Variants in FHIP1A observed in about 807,000 individuals in gnomAD.
FHIP1A encodes FHF complex subunit HOOK interacting protein 1A, also known as FHF complex subunit HOOK-interacting protein 1A.
Under a neutral mutation model 88.6 loss-of-function variants are expected in FHIP1A, and 61 were observed. The ratio of observed to expected loss-of-function variants is 0.69; its 90% CI spans 0.56 to 0.85. FHIP1A has a LOEUF of 0.85. FHIP1A is among the 40% of genes least tolerant of loss of function. The pLI is 0.00. For synonymous variants in FHIP1A, 478 were observed against 496.0 expected, an observed-to-expected ratio of 0.96 and a Z score of 0.48; for missense variants, 1,154 against 1,273.5, an observed-to-expected ratio of 0.91 and a Z score of 1.43.
chr4:151,606,594 C>T (rs1490681987), intron 7 of FHIP1A, among the ~76,000 whole-genome samples: 1 of 152,220 alleles, frequency 6.6e-6, no homozygotes, highest in Non-Finnish European at 1.5e-5. Flanking sequence ...TTGATATCTG[C>T]ATTTCATATT....
chr4:151,526,722 C>T (rs1258562012), intron 3 of FHIP1A, among the ~76,000 whole-genome samples: 1 of 151,748 alleles, frequency 6.6e-6, no homozygotes, highest in Non-Finnish European at 1.5e-5. Flanking sequence ...TCCTCACTTC[C>T]CAGACGGGGC....
intron 4 of FHIP1A, among the ~76,000 whole-genome samples, chr4:151,570,032 G>A (rs944303549): frequency 1.3e-5 from 2 of 152,176 alleles, no homozygotes; most frequent in Non-Finnish European, 2.9e-5. Flanking sequence ...GCTATAAGTT[G>A]CCAGAGCAAT....
intron 9 of FHIP1A, 70 bp downstream of exon 9, chr4:151,638,826 A>G: frequency 1.2e-6 from 1 of 835,146 alleles, no homozygotes; most frequent in Admixed American, 2.9e-5. Flanking sequence ...ATATTCATAT[A>G]CTTTGTTATT....
chr4:151,454,172 A>AAATATGGGT lies in FHIP1A; in HGVS notation c.-355-528_-355-520dup, dbSNP rs200921703. 1.0e-3 allele frequency among the ~76,000 whole-genome samples: 152 copies of AAATATGGGT among 146,882 alleles called. 1 individual carries two copies. The East Asian group carries it at 0.026, about 25-fold the overall frequency. The stretch of plus-strand genomic sequence containing the variant: ...TTGATTTTATTATGGAAAAGTGTTA[A>AAATATGGGT]AATATGGGTTTTTAATTATCACTGG... On this transcript the variant is annotated intron_variant, in intron 1 of 13. Coordinates refer to ENST00000435205, the MANE Select transcript of FHIP1A (RefSeq NM_001109977.3).
intron 7 of FHIP1A, among the ~76,000 whole-genome samples, chr4:151,598,591 T>A (rs1201261749): frequency 3.3e-5 from 5 of 152,342 alleles, no homozygotes; most frequent in African/African-American, 1.2e-4. Context: ...GCATAACATT[T>A]TAGTTACCTG....
chr4:151,638,402 G>T (rs1413584384), intron 8 of FHIP1A, among the ~76,000 whole-genome samples: 2 of 148,658 alleles, frequency 1.3e-5, no homozygotes, highest in Admixed American at 1.4e-4. Context: ...TATCTGTCTG[G>T]ATCTTTAAAA....
At chr4:151,525,700 G>A (rs1464299338) in intron 3 of FHIP1A, among the ~76,000 whole-genome samples, 2 of 148,510 alleles carry the variant, frequency 1.3e-5, no homozygotes, top group Non-Finnish European at 3.0e-5. Flanking sequence ...ATTTAGATCT[G>A]TAGTGTTTTC....
At chr4:151,518,938 T>G (rs890243972) in intron 3 of FHIP1A, among the ~76,000 whole-genome samples, 7 of 152,066 alleles carry the variant, frequency 4.6e-5, no homozygotes, top group African/African-American at 1.7e-4. Flanking sequence ...TCTCCCACTT[T>G]ATCCTCCCAA....
chr4:151,654,261 C>T (rs1737146488), intron 11 of FHIP1A, among the ~76,000 whole-genome samples: 1 of 152,144 alleles, frequency 6.6e-6, no homozygotes, highest in African/African-American at 2.4e-5. Context: ...TTCCGTCATT[C>T]ACCTAGGTCA....
intron 3 of FHIP1A, among the ~76,000 whole-genome samples, chr4:151,563,554 C>T (rs931298654): frequency 6.6e-6 from 1 of 152,168 alleles, no homozygotes; most frequent in Non-Finnish European, 1.5e-5. Flanking sequence ...TCTGATGATG[C>T]CATATTCATG....
intron 2 of FHIP1A, among the ~76,000 whole-genome samples, chr4:151,475,261 G>GTC (rs1458779824): frequency 6.6e-6 from 1 of 152,168 alleles, no homozygotes; most frequent in Non-Finnish European, 1.5e-5. Flanking sequence ...AATCTCCGCT[G>GTC]TCATGGAGCT....
At chr4:151,490,192 C>T (rs1730231012) in intron 3 of FHIP1A, among the ~76,000 whole-genome samples, 2 of 152,186 alleles carry the variant, frequency 1.3e-5, no homozygotes, top group Admixed American at 1.3e-4. Context: ...GCTAGCATAA[C>T]CAGCATTTGA....
At chr4:151,592,200 T>A (rs1481799422) in intron 7 of FHIP1A, among the ~76,000 whole-genome samples, 1 of 152,160 alleles carries the variant, frequency 6.6e-6, no homozygotes, top group Non-Finnish European at 1.5e-5. Context: ...AGTGGTGCGA[T>A]CTCAGCTCAC....
chr4:151,631,699 AC>A (rs1428372569), intron 8 of FHIP1A, among the ~76,000 whole-genome samples: 1 of 152,156 alleles, frequency 6.6e-6, no homozygotes, highest in Non-Finnish European at 1.5e-5. Flanking sequence ...CCAAGAAGAG[AC>A]ATATTGAAGT....
chr4:151,466,047 G>T (rs1729302098), intron 2 of FHIP1A, among the ~76,000 whole-genome samples: 1 of 151,922 alleles, frequency 6.6e-6, no homozygotes, highest in African/African-American at 2.4e-5. Flanking sequence ...CAAATTGTCT[G>T]TTTGCAGATG....
rs200467402 is a variant in FHIP1A, at chr4:151,438,605, C to CT, written c.-355-16079dup. Among the ~76,000 whole-genome samples the CT allele has an allele frequency of 6.4e-3, 853 of 132,458 alleles. 3 individuals are homozygous for CT. Among genetic ancestry groups the CT allele is most frequent in the Middle Eastern group, 0.035 (9 of 254 alleles). The allele number at this position is 132,458 out of a possible 152,430, so 86.9% of individuals were successfully genotyped here. Reference sequence around the variant, plus strand: ...GTGCAAAAGTAATTGCGGTTTTTGCCTTTTTTTTTTTTTTTTTAAAGGCAA... The same window carrying CT: ...GTGCAAAAGTAATTGCGGTTTTTGCCTTTTTTTTTTTTTTTTTTAAAGGCAA... On this transcript the variant is annotated intron_variant, in intron 1 of 13. Coordinates refer to ENST00000435205, the MANE Select transcript of FHIP1A (RefSeq NM_001109977.3).
At chr4:151,569,453 G>A (rs1373411927) in intron 4 of FHIP1A, among the ~76,000 whole-genome samples, 1 of 151,994 alleles carries the variant, frequency 6.6e-6, no homozygotes, top group Non-Finnish European at 1.5e-5. Flanking sequence ...TCAGGAGGCT[G>A]AGGCAGGAGA....
intron 1 of FHIP1A, among the ~76,000 whole-genome samples, chr4:151,432,922 G>T (rs750337654): frequency 6.6e-6 from 1 of 152,146 alleles, no homozygotes; most frequent in Non-Finnish European, 1.5e-5. Context: ...GGACTAGAAA[G>T]TGCTTCCTGG....
intron 3 of FHIP1A, among the ~76,000 whole-genome samples, chr4:151,551,846 AAC>A (rs1732746551): frequency 6.6e-6 from 1 of 152,214 alleles, no homozygotes. Flanking sequence ...GATCTAATTA[AAC>A]TAAAGAGTGC....
Sources: gnomAD v4.1 joint callset for allele counts (sites outside exome capture counted in the v4.1 genomes callset) on GRCh38, gnomAD v4.1.1 for gene constraint, MANE v1.5 for transcripts, NCBI Gene and HGNC (gene_info 2026-07-23, HGNC 2026-07-21) for gene names.